SEMA5A: variants seen among roughly 807,000 people sequenced by gnomAD.
SEMA5A encodes the protein semaphorin-5A.
SEMA5A carries 55 observed loss-of-function variants against 135.5 expected under a neutral mutation model. That is an observed-to-expected ratio of 0.41 (90% confidence interval 0.33 to 0.51). SEMA5A has a LOEUF of 0.51. Ranked by LOEUF, SEMA5A falls within the 20% of genes least tolerant of loss-of-function variation. The probability of loss-of-function intolerance (pLI) is 0.37; values close to 1 mark genes in which losing one functional copy is unlikely to be tolerated. For synonymous variants in SEMA5A, 580 were observed against 546.5 expected (o/e 1.06, Z -0.85); for missense variants, 1,290 against 1,419.9 (o/e 0.91, Z 1.47).
At chr5:9,109,030 T>C (rs1348980884) in intron 15 of SEMA5A, among the ~76,000 whole-genome samples, 1 of 35,346 alleles carries the variant, frequency 2.8e-5, no homozygotes, top group South Asian at 9.9e-4. Flanking sequence ...TCTCTTCAAT[T>C]TTTTTTTTTT....
At chr5:9,271,942 G>C (rs2150542321) in intron 5 of SEMA5A, among the ~76,000 whole-genome samples, 1 of 152,258 alleles carries the variant, frequency 6.6e-6, no homozygotes, top group Non-Finnish European at 1.5e-5. Flanking sequence ...GCGGCTGTTT[G>C]AGCAGATACC....
rs376813871 is a variant in SEMA5A, at chr5:9,153,980, A to C, written c.1481+508T>G. Reference sequence around the variant, plus strand: ...AGAATCACTTGAACCTGGCAGCCAGAGGTTGCAGTGAGCTGAGGTCTCACC... The same window carrying C: ...AGAATCACTTGAACCTGGCAGCCAGCGGTTGCAGTGAGCTGAGGTCTCACC... On this transcript the variant is annotated intron_variant, in intron 12 of 22. Coordinates refer to ENST00000382496, the MANE Select transcript of SEMA5A (RefSeq NM_003966.3). 3.6e-3 allele frequency among the ~76,000 whole-genome samples: 522 copies of C among 145,220 alleles called. 2 individuals carry two copies. Among genetic ancestry groups the C allele is most frequent in the African/African-American group, 0.013 (504 of 38,796 alleles).
chr5:9,382,720 A>T (rs531657450), intron 2 of SEMA5A, among the ~76,000 whole-genome samples: 163 of 152,290 alleles, frequency 1.1e-3, no homozygotes, highest in Non-Finnish European at 1.9e-3. Flanking sequence ...ACTCAGCTCT[A>T]TGCATGTATG....
chr5:9,314,373 G>GA (rs34088756), intron 5 of SEMA5A, among the ~76,000 whole-genome samples: 23,490 of 120,274 alleles, frequency 0.2, 2,132 homozygotes, highest in African/African-American at 0.26. Flanking sequence ...CTGAGTTCCA[G>GA]AAAAAAAAAA....
intron 12 of SEMA5A, among the ~76,000 whole-genome samples, chr5:9,142,933 CAG>C (rs760254736): frequency 5.3e-5 from 8 of 151,716 alleles, no homozygotes; most frequent in Non-Finnish European, 1.0e-4. Context: ...GCCTGGGTGA[CAG>C]AGTGAGAATC....
chr5:9,191,699 A>G (rs40699), intron 10 of SEMA5A, among the ~76,000 whole-genome samples: 128,564 of 152,256 alleles, frequency 0.84, 54,465 homozygotes, highest in African/African-American at 0.88. Context: ...GATTGTAGAA[A>G]AAGAGAATCT....
At chr5:9,092,781 A>G (rs1438410854) in intron 16 of SEMA5A, among the ~76,000 whole-genome samples, 3 of 152,172 alleles carry the variant, frequency 2.0e-5, no homozygotes, top group Admixed American at 6.5e-5. Context: ...TATAATACAC[A>G]AGAATAATCA....
chr5:9,362,046 C>G (rs565928061), intron 3 of SEMA5A, among the ~76,000 whole-genome samples: 1 of 152,148 alleles, frequency 6.6e-6, no homozygotes, highest in African/African-American at 2.4e-5. Context: ...GCCCCAGTTT[C>G]GTCTTCATGA....
intron 2 of SEMA5A, among the ~76,000 whole-genome samples, chr5:9,417,060 G>A (rs1757306822): frequency 6.6e-6 from 1 of 152,192 alleles, no homozygotes; most frequent in Non-Finnish European, 1.5e-5. Context: ...TCATTGAACA[G>A]CTTTCTAATT....
At chr5:9,106,756 A>G (rs1021881098) in intron 16 of SEMA5A, among the ~76,000 whole-genome samples, 2 of 152,266 alleles carry the variant, frequency 1.3e-5, no homozygotes, top group African/African-American at 4.8e-5. Context: ...ATAGTTTTAA[A>G]TGTCAGCATC....
At chr5:9,167,389 T>A (rs1345585325) in intron 11 of SEMA5A, among the ~76,000 whole-genome samples, 1 of 152,160 alleles carries the variant, frequency 6.6e-6, no homozygotes, top group East Asian at 1.9e-4. Context: ...AAACTCAATG[T>A]CTCCCCTTTG....
At chr5:9,305,881 C>T (rs544360359) in intron 5 of SEMA5A, among the ~76,000 whole-genome samples, 1 of 152,184 alleles carries the variant, frequency 6.6e-6, no homozygotes, top group African/African-American at 2.4e-5. Context: ...TCCAGAATTG[C>T]ACTACTGTCT....
In SEMA5A at chr5:9,154,601, C is replaced by T. The variant is rs1271339716; in HGVS notation, c.1368G>A (p.Arg456=). 1 of 1,613,920 alleles carries T rather than the reference C, an allele frequency of 6.2e-7. No homozygotes were observed. The highest frequency in any genetic ancestry group is 8.5e-7 in the Non-Finnish European group (1 of 1,180,048). ...GGATCTGCAGGCTCCTGATGGGCTC[C>T]CTCCGCCTCTCAGGGAAGAGCTCAA... ...EEIELFPERR[R]EPIRSLQILH... Residue 456 remains arginine, a synonymous_variant, in exon 12 of 23, where the codon AGG becomes AGA. Transcript: ENST00000382496.
intron 10 of SEMA5A, among the ~76,000 whole-genome samples, chr5:9,192,251 C>A (rs40698): frequency 0.34 from 52,062 of 152,212 alleles, 9,404 homozygotes; most frequent in Non-Finnish European, 0.41. Context: ...GAGGTGAGGT[C>A]TCGCCTCTCA....
chr5:9,378,395 A>C (rs1172074999), intron 3 of SEMA5A, among the ~76,000 whole-genome samples: 1 of 152,232 alleles, frequency 6.6e-6, no homozygotes, highest in Non-Finnish European at 1.5e-5. Flanking sequence ...ATGAATCAGT[A>C]GATTGAGGCT....
At chr5:9,264,890 C>T (rs1340536644) in intron 5 of SEMA5A, among the ~76,000 whole-genome samples, 1 of 152,078 alleles carries the variant, frequency 6.6e-6, no homozygotes, top group Admixed American at 6.6e-5. Context: ...TGGGAAGAAA[C>T]ATGGGGCGAG....
chr5:9,508,160 C>G (rs186414587), intron 1 of SEMA5A, among the ~76,000 whole-genome samples: 25 of 152,206 alleles, frequency 1.6e-4, no homozygotes, highest in Admixed American at 1.6e-3. Context: ...ATTTATCACC[C>G]TGCATTCCAC....
chr5:9,182,160 C>CCCA (rs1159671024), intron 11 of SEMA5A, among the ~76,000 whole-genome samples: 3 of 138,598 alleles, frequency 2.2e-5, no homozygotes, highest in Admixed American at 7.2e-5. Context: ...CCCCCCACCC[C>CCCA]AAAAAAAAAT....
chr5:9,316,322 A>C (rs975126564), intron 5 of SEMA5A, among the ~76,000 whole-genome samples: 3 of 152,196 alleles, frequency 2.0e-5, no homozygotes, highest in African/African-American at 7.2e-5. Context: ...CTTCTCAAAA[A>C]AATCCTTCGT....
Sources: gnomAD v4.1 joint callset for allele counts (sites outside exome capture counted in the v4.1 genomes callset) on GRCh38, gnomAD v4.1.1 for gene constraint, MANE v1.5 for transcripts, NCBI Gene and HGNC (gene_info 2026-07-23, HGNC 2026-07-21) for gene names.